Variants in UBE2D3 observed in about 807,000 individuals in gnomAD.
UBE2D3 encodes ubiquitin conjugating enzyme E2 D3, also known as ubiquitin-conjugating enzyme E2 D3.
In UBE2D3, 2 loss-of-function variants were observed where a neutral mutation model predicts 22.8. The ratio of observed to expected loss-of-function variants is 0.09; its 90% confidence interval spans 0.04 to 0.28. The LOEUF (loss-of-function observed/expected upper bound fraction) is 0.28. UBE2D3 is among the 10% of genes least tolerant of loss of function. The pLI, the probability that UBE2D3 is intolerant of heterozygous loss-of-function variation, is 1.00. For synonymous variants in UBE2D3, 56 were observed against 60.4 expected (o/e 0.93, Z 0.34); for missense variants, 27 against 182.5 (o/e 0.15, Z 4.91).
intron 1 of UBE2D3, among the ~76,000 whole-genome samples, chr4:102,858,783 C>T (rs1188755813): frequency 6.6e-6 from 1 of 151,842 alleles, no homozygotes; most frequent in Non-Finnish European, 1.5e-5. Context: ...CAACTTAGAT[C>T]TCATACAAAA....
intron 2 of UBE2D3, chr4:102,810,276 T>TA (rs1183909732): frequency 6.5e-6 from 1 of 154,904 alleles, no homozygotes; most frequent in Non-Finnish European, 1.4e-5. Context: ...CCCAATCCAC[T>TA]AACTCTATTT....
chr4:102,822,690 CT>C (rs1388211093), intron 2 of UBE2D3, among the ~76,000 whole-genome samples: 1 of 152,194 alleles, frequency 6.6e-6, no homozygotes, highest in Non-Finnish European at 1.5e-5. Context: ...AATCCCAGCA[CT>C]TTGGGAGGCT....
intron 2 of UBE2D3, among the ~76,000 whole-genome samples, chr4:102,824,010 C>T (rs1262504389): frequency 6.6e-6 from 1 of 152,138 alleles, no homozygotes; most frequent in Non-Finnish European, 1.5e-5. Flanking sequence ...GTGCCTAAAC[C>T]GAAGAGCATT....
intron 1 of UBE2D3, among the ~76,000 whole-genome samples, chr4:102,833,144 GT>G (rs11329227): frequency 3.3e-4 from 49 of 146,632 alleles, no homozygotes; most frequent in Non-Finnish European, 4.1e-4. Flanking sequence ...TGTGCTACAT[GT>G]TTTTTTTTTT....
intron 1 of UBE2D3, among the ~76,000 whole-genome samples, chr4:102,837,331 A>C (rs1731464294): frequency 6.6e-6 from 1 of 152,222 alleles, no homozygotes; most frequent in South Asian, 2.1e-4. Flanking sequence ...AATAAAGCTC[A>C]ATAATAAATA....
intron 2 of UBE2D3, among the ~76,000 whole-genome samples, chr4:102,820,420 A>G (rs1203396475): frequency 1.3e-5 from 2 of 152,194 alleles, no homozygotes; most frequent in Non-Finnish European, 1.5e-5. Context: ...CTTCTGAGAA[A>G]TCCTTTTTTA....
intron 1 of UBE2D3, among the ~76,000 whole-genome samples, chr4:102,845,246 T>C (rs184672575): frequency 4.6e-5 from 7 of 151,966 alleles, no homozygotes; most frequent in African/African-American, 1.2e-4. Flanking sequence ...AAACAAAGAA[T>C]TTTGGATATT....
chr4:102,802,784 C>T (rs566143787), intron 4 of UBE2D3, 146 bp from the exon 5 acceptor site: 13 of 503,554 alleles, frequency 2.6e-5, no homozygotes, highest in South Asian at 2.4e-4. Context: ...AAAATTCAGT[C>T]TATAGTAATA....
intron 1 of UBE2D3, among the ~76,000 whole-genome samples, chr4:102,848,701 C>T (rs950156465): frequency 3.9e-5 from 6 of 151,976 alleles, no homozygotes; most frequent in African/African-American, 1.2e-4. Context: ...CGCCTATAGT[C>T]CCAGCTATTT....
intron 2 of UBE2D3, chr4:102,810,087 T>C: frequency 2.2e-6 from 1 of 464,528 alleles, no homozygotes; most frequent in Non-Finnish European, 3.9e-6. Context: ...ACAAAATTTT[T>C]TATTTACATA....
chr4:102,828,590 G>C (rs13117052), upstream of UBE2D3, among the ~76,000 whole-genome samples: 15,637 of 152,202 alleles, frequency 0.1, 1,189 homozygotes, highest in East Asian at 0.32. Flanking sequence ...GCTGCCGTCC[G>C]CCAAGGTGTA....
At chr4:102,826,763 T>C in intron 1 of UBE2D3, 127 bp from the exon 2 acceptor site, 2 of 1,311,392 alleles carry the variant, frequency 1.5e-6, no homozygotes, top group Non-Finnish European at 1.9e-6. Context: ...CAACAGCCTC[T>C]GTACCGTGCT....
chr4:102,825,500 G>T (rs919126784), intron 2 of UBE2D3: 176 of 1,151,900 alleles, frequency 1.5e-4, no homozygotes, highest in Non-Finnish European at 1.7e-4. Context: ...GGAGATGCCG[G>T]AAAGAGCCTG....
At position 102,825,646 on chromosome 4, in the gene UBE2D3, G is replaced by T. The variant is rs546902365; in HGVS notation, c.24+839C>A. 27 of 1,039,854 alleles carry T rather than the reference G, an allele frequency of 2.6e-5. No homozygotes were observed. In the African/African-American group the frequency reaches 3.3e-4, roughly 13 times the overall value. 64.4% of individuals were successfully genotyped at this position (1,039,854 alleles called of 1,614,324 possible). Reference sequence around the variant, plus strand: ...TCCTAGTTTTTTTTCAACTTAAATCGATAATATACTATCAAACCACATTTC... The same window carrying T: ...TCCTAGTTTTTTTTCAACTTAAATCTATAATATACTATCAAACCACATTTC... On this transcript the variant is annotated intron_variant, in intron 2 of 7. Transcript: ENST00000453744.
chr4:102,810,790 G>T (rs1367499316), intron 2 of UBE2D3: 1 of 151,702 alleles, frequency 6.6e-6, no homozygotes, highest in African/African-American at 2.4e-5. Flanking sequence ...TAGTTTATTA[G>T]AATATTTTTA....
At chr4:102,847,633 T>G (rs989451574) in intron 1 of UBE2D3, among the ~76,000 whole-genome samples, 1 of 151,636 alleles carries the variant, frequency 6.6e-6, no homozygotes, top group Non-Finnish European at 1.5e-5. Context: ...CTTTTTCTTA[T>G]GTATTTTTCT....
At chr4:102,827,584 CCTCCTG>C, upstream of UBE2D3, 1 of 985,258 alleles carries the variant, frequency 1.0e-6, no homozygotes, top group Non-Finnish European at 1.2e-6. Context: ...CCCTCCCCCT[CCTCCTG>C]CCTCTTCACC....
intron 1 of UBE2D3, among the ~76,000 whole-genome samples, chr4:102,850,364 A>T (rs1578293280): frequency 6.6e-6 from 1 of 152,286 alleles, no homozygotes; most frequent in East Asian, 1.9e-4. Flanking sequence ...TCAATTTTTT[A>T]AAAGGGTGGT....
intron 2 of UBE2D3, among the ~76,000 whole-genome samples, chr4:102,823,038 C>T (rs1001816943): frequency 1.3e-5 from 2 of 152,190 alleles, no homozygotes; most frequent in Non-Finnish European, 2.9e-5. Flanking sequence ...TGTGACTAGA[C>T]GACTATTTCT....
Sources: gnomAD v4.1 joint callset for allele counts (sites outside exome capture counted in the v4.1 genomes callset) on GRCh38, gnomAD v4.1.1 for gene constraint, MANE v1.5 for transcripts, NCBI Gene and HGNC (gene_info 2026-07-23, HGNC 2026-07-21) for gene names.